Variants in SLC1A1 observed in about 807,000 individuals in gnomAD.
The protein encoded by SLC1A1 is excitatory amino acid transporter 3.
In SLC1A1, 43 loss-of-function variants were observed where a neutral mutation model predicts 53.3. That is an observed-to-expected ratio of 0.81 (90% confidence interval 0.63 to 1.04). The LOEUF (loss-of-function observed/expected upper bound fraction) is 1.04, where lower values mean the gene tolerates loss of function less well. Ranked by LOEUF, SLC1A1 falls within the 50% of genes least tolerant of loss-of-function variation. SLC1A1 has a pLI of 0.00. For synonymous variants in SLC1A1, 307 were observed against 243.2 expected, an observed-to-expected ratio of 1.26 and a Z score of -2.44; for missense variants, 748 against 664.9, an observed-to-expected ratio of 1.12 and a Z score of -1.37.
intron 2 of SLC1A1, among the ~76,000 whole-genome samples, chr9:4,547,377 G>A (rs1460820709): frequency 1.3e-5 from 2 of 152,182 alleles, no homozygotes; most frequent in African/African-American, 4.8e-5. Flanking sequence ...TCAAGAACTA[G>A]AGGCAGCGAG....
At chr9:4,494,668 ATAATT>A (rs1182964336) in intron 1 of SLC1A1, among the ~76,000 whole-genome samples, 1 of 151,274 alleles carries the variant, frequency 6.6e-6, no homozygotes, top group African/African-American at 2.4e-5. Flanking sequence ...TTATATAAAT[ATAATT>A]TAAGTATGTA....
At position 4,505,092 on chromosome 9, in the gene SLC1A1, G is replaced by A. The variant is rs12001534; in HGVS notation, c.91+14322G>A. 8.4e-3 allele frequency among the ~76,000 whole-genome samples: 1,112 copies of A among 132,966 alleles called. 16 individuals carry two copies. Among genetic ancestry groups the A allele is most frequent in the African/African-American group, 0.029 (1,052 of 35,950 alleles). 87.2% of individuals were successfully genotyped at this position (132,966 alleles called of 152,430 possible). On this transcript the variant is annotated intron_variant, in intron 1 of 11. Coordinates refer to ENST00000262352, the MANE Select transcript of SLC1A1 (RefSeq NM_004170.6). Reference sequence around the variant, plus strand: ...GATACAGCCTCACTATGTCGCCCAGGCTGGAGTGCAGCGGCATGATCTTGG... The same window carrying A: ...GATACAGCCTCACTATGTCGCCCAGACTGGAGTGCAGCGGCATGATCTTGG...
At chr9:4,573,204 G>C (rs1325878196) in intron 7 of SLC1A1, among the ~76,000 whole-genome samples, 1 of 152,126 alleles carries the variant, frequency 6.6e-6, no homozygotes, top group East Asian at 1.9e-4. Flanking sequence ...CCTTTCTTAG[G>C]ATGCATCTGT....
chr9:4,502,905 C>T (rs1243753100), intron 1 of SLC1A1, among the ~76,000 whole-genome samples: 1 of 151,678 alleles, frequency 6.6e-6, no homozygotes, highest in East Asian at 1.9e-4. Context: ...TACGCTTCTC[C>T]TACATAAACC....
intron 2 of SLC1A1, among the ~76,000 whole-genome samples, chr9:4,558,555 C>G (rs945860555): frequency 1.3e-5 from 2 of 152,088 alleles, no homozygotes; most frequent in East Asian, 1.9e-4. Context: ...ATATTTTCAC[C>G]AAGATCTCAT....
In SLC1A1 at chr9:4,513,866, G is replaced by A. The variant is rs574048680; in HGVS notation, c.91+23096G>A. 2.6e-5 allele frequency among the ~76,000 whole-genome samples: 4 copies of A among 152,292 alleles called. No individual in the cohort carries two copies. The South Asian group carries it at 8.3e-4, about 32-fold the overall frequency. ...AACGTGATCTATTCAGCAAGAGAAAGGAACATACCATTGATACGTACAAAA... is the reference window on the plus strand; with the variant it reads ...AACGTGATCTATTCAGCAAGAGAAAAGAACATACCATTGATACGTACAAAA... On this transcript the variant is annotated intron_variant, in intron 1 of 11. Transcript: ENST00000262352.
intron 1 of SLC1A1, among the ~76,000 whole-genome samples, chr9:4,538,218 T>C (rs529964620): frequency 6.6e-6 from 1 of 152,152 alleles, no homozygotes; most frequent in Non-Finnish European, 1.5e-5. Flanking sequence ...CTTGGTTTTG[T>C]ACATTTTAGG....
chr9:4,563,134 A>G (rs1301572085), intron 3 of SLC1A1, among the ~76,000 whole-genome samples: 3 of 134,760 alleles, frequency 2.2e-5, no homozygotes, highest in Non-Finnish European at 3.3e-5. Context: ...AAGAAAAAAA[A>G]AGAGAGAGAG....
Position 4,527,467 on chromosome 9 carries a change from A to C in SLC1A1, c.92-17100A>C, listed in dbSNP as rs1816303675. On this transcript the variant is annotated intron_variant, in intron 1 of 11. Coordinates refer to ENST00000262352, the MANE Select transcript of SLC1A1 (RefSeq NM_004170.6). ...TTGTAAATTGACATGCTATATAAAC[A>C]GTGCTGGTTTTGTTATGGCATTGAT... Among the ~76,000 whole-genome samples, 4 of 152,190 alleles carry C rather than the reference A, an allele frequency of 2.6e-5. 1 individual carries two copies. Among genetic ancestry groups the C allele is most frequent in the Admixed American group, 2.6e-4 (4 of 15,284 alleles).
Position 4,586,366 on chromosome 9 carries a change from C to T in SLC1A1, c.*808C>T, listed in dbSNP as rs1821576757. 6.6e-6 allele frequency: 1 copy of T among 152,130 alleles called. No individual in the cohort carries two copies. The highest frequency in any genetic ancestry group is 1.5e-5 in the Non-Finnish European group (1 of 68,020). The allele number at this position is 152,130 out of a possible 1,614,324, so 9.4% of individuals were successfully genotyped here. ...AGGTCTGCTTTGGGGCTTATCAGAA[C>T]TCCTTTCTAAGGAGCACTAGAATGA... On this transcript the variant is annotated 3_prime_UTR_variant, in exon 12 of 12. Coordinates refer to ENST00000262352, the MANE Select transcript of SLC1A1 (RefSeq NM_004170.6).
chr9:4,540,077 T>C (rs1487601474), intron 1 of SLC1A1, among the ~76,000 whole-genome samples: 1 of 152,070 alleles, frequency 6.6e-6, no homozygotes, highest in African/African-American at 2.4e-5. Flanking sequence ...CCACCCATCA[T>C]GTGCCCATAA....
chr9:4,570,792 C>A (rs1394475245), intron 6 of SLC1A1, among the ~76,000 whole-genome samples: 4 of 151,796 alleles, frequency 2.6e-5, no homozygotes, highest in Non-Finnish European at 5.9e-5. Flanking sequence ...CCCCGTAGAC[C>A]CAGCTACTTG....
At chr9:4,552,653 A>G (rs2039290) in intron 2 of SLC1A1, among the ~76,000 whole-genome samples, 137,983 of 151,976 alleles carry the variant, frequency 0.91, 63,150 homozygotes, top group Middle Eastern at 0.99. Context: ...TAGAGGGGCA[A>G]GAGAGTCCAG....
intron 1 of SLC1A1, among the ~76,000 whole-genome samples, chr9:4,505,337 C>T (rs541044204): frequency 7.7e-4 from 117 of 152,252 alleles, no homozygotes; most frequent in Non-Finnish European, 1.4e-3. Flanking sequence ...GGGTGAGCCA[C>T]CGCACCCGGC....
intron 1 of SLC1A1, among the ~76,000 whole-genome samples, chr9:4,531,264 C>T (rs1005220529): frequency 6.6e-6 from 1 of 152,206 alleles, no homozygotes; most frequent in Non-Finnish European, 1.5e-5. Context: ...GAGGCATCGC[C>T]TCACCCGGGA....
Position 4,526,851 on chromosome 9 carries a change from C to A in SLC1A1, c.92-17716C>A, listed in dbSNP as rs369496654. 5.5e-3 allele frequency among the ~76,000 whole-genome samples: 833 copies of A among 151,824 alleles called. 8 individuals carry two copies. The highest frequency in any genetic ancestry group is 0.035 in the South Asian group (165 of 4,780). On this transcript the variant is annotated intron_variant, in intron 1 of 11. Coordinates refer to ENST00000262352, the MANE Select transcript of SLC1A1 (RefSeq NM_004170.6). Reference sequence around the variant, plus strand: ...CCCAAGATTGCTACTTCTTGGCAAACATACCCTGCATAATCCCCTTACTTT... The same window carrying A: ...CCCAAGATTGCTACTTCTTGGCAAAAATACCCTGCATAATCCCCTTACTTT...
At chr9:4,492,835 G>A (rs183515517) in intron 1 of SLC1A1, among the ~76,000 whole-genome samples, 2 of 152,184 alleles carry the variant, frequency 1.3e-5, no homozygotes, top group Non-Finnish European at 2.9e-5. Flanking sequence ...ATAAACATTG[G>A]CTTGAGTCTC....
At chr9:4,537,811 TG>T (rs879846479) in intron 1 of SLC1A1, among the ~76,000 whole-genome samples, 8 of 151,792 alleles carry the variant, frequency 5.3e-5, no homozygotes, top group African/African-American at 1.5e-4. Context: ...TGTGGAATTT[TG>T]GGGGGGTAAT....
intron 2 of SLC1A1, among the ~76,000 whole-genome samples, chr9:4,547,425 A>C (rs746159246): frequency 3.2e-4 from 49 of 152,328 alleles, no homozygotes; most frequent in Non-Finnish European, 6.6e-4. Context: ...GGAGCAATGA[A>C]ATAGTCAAAG....
Sources: gnomAD v4.1 joint callset for allele counts (sites outside exome capture counted in the v4.1 genomes callset) on GRCh38, gnomAD v4.1.1 for gene constraint, MANE v1.5 for transcripts, NCBI Gene and HGNC (gene_info 2026-07-23, HGNC 2026-07-21) for gene names.